PCDHGA2: variants seen among roughly 807,000 people sequenced by gnomAD.
PCDHGA2 encodes the protein protocadherin gamma subfamily A, 2, also known as protocadherin gamma-A2.
Under a neutral mutation model 59.2 loss-of-function variants are expected in PCDHGA2, and 40 were observed. The observed-to-expected ratio is 0.68, with a 90% CI of 0.52 to 0.88. The LOEUF is 0.88. Among genes scored for constraint, PCDHGA2 ranks in the 40% least tolerant of loss-of-function variants. PCDHGA2 has a pLI of 0.00. For synonymous variants in PCDHGA2, 560 were observed against 526.0 expected (o/e 1.06, Z -0.89); for missense variants, 1,226 against 1,204.0 (o/e 1.02, Z -0.27).
At chr5:141,419,667 G>T in intron 1 of PCDHGA2, 1 of 1,612,894 alleles carries the variant, frequency 6.2e-7, no homozygotes, top group South Asian at 1.1e-5. Flanking sequence ...CACAATGCCT[G>T]GCTGTCCTAC....
At chr5:141,355,857 C>T in intron 1 of PCDHGA2, 2 of 1,612,456 alleles carry the variant, frequency 1.2e-6, no homozygotes, top group Non-Finnish European at 1.7e-6. Context: ...ATGGAGGTGA[C>T]CCGGTTCGCT....
At chr5:141,369,758 C>T (rs1027847213) in intron 1 of PCDHGA2, among the ~76,000 whole-genome samples, 1 of 152,184 alleles carries the variant, frequency 6.6e-6, no homozygotes, top group African/African-American at 2.4e-5. Context: ...TAAGAATACA[C>T]GTGAAGCTGA....
At chr5:141,449,588 CAAAAAAA>C (rs768743917) in intron 1 of PCDHGA2, among the ~76,000 whole-genome samples, 5 of 57,506 alleles carry the variant, frequency 8.7e-5, no homozygotes, top group Admixed American at 3.6e-4. Flanking sequence ...GACTCTGTCT[CAAAAAAA>C]AAAAAAAAAA....
At chr5:141,422,791 G>T (rs2096673253) in intron 1 of PCDHGA2, 2 of 1,614,020 alleles carry the variant, frequency 1.2e-6, no homozygotes, top group South Asian at 1.1e-5. Context: ...ACAATCCTTC[G>T]ACTATGAGCA....
chr5:141,339,915 ATGAAATTGATAT>A lies in PCDHGA2; in HGVS notation c.949_960del (p.Ile317_Glu320del). ...CTAGATTATGAGGATGCTACATTCC[ATGAAATTGATAT>A]TGAAGCTCAGGATGGTCCGGGCCTT... On this transcript the variant is annotated inframe_deletion, in exon 1 of 4. Transcript: ENST00000394576. 1 of 1,614,176 alleles carries A rather than the reference ATGAAATTGATAT, an allele frequency of 6.2e-7. No individual in the cohort carries two copies. Among genetic ancestry groups the A allele is most frequent in the Non-Finnish European group, 8.5e-7 (1 of 1,180,016 alleles).
chr5:141,429,204 A>ACACACACG, intron 1 of PCDHGA2: 1 of 150,162 alleles, frequency 6.7e-6, no homozygotes, highest in Non-Finnish European at 1.5e-5. Context: ...ACACACACAC[A>ACACACACG]CGTGTGAAAA....
At chr5:141,351,422 T>C (rs369103466) in intron 1 of PCDHGA2, 4 of 1,611,720 alleles carry the variant, frequency 2.5e-6, no homozygotes, top group African/African-American at 1.3e-5. Context: ...AGAAGTTCCT[T>C]TCAAATTAGA....
intron 1 of PCDHGA2, chr5:141,410,140 G>C: frequency 6.2e-7 from 1 of 1,612,782 alleles, no homozygotes; most frequent in Non-Finnish European, 8.5e-7. Context: ...TGGTCGCTGT[G>C]CGTGACGGTG....
intron 1 of PCDHGA2, chr5:141,479,468 T>C (rs1473966646): frequency 1.3e-5 from 2 of 152,248 alleles, no homozygotes; most frequent in African/African-American, 4.8e-5. Context: ...TACAGTGACC[T>C]CTTGGGAGGG....
intron 1 of PCDHGA2, among the ~76,000 whole-genome samples, chr5:141,459,494 G>C (rs1454297107): frequency 2.0e-5 from 3 of 152,200 alleles, no homozygotes; most frequent in African/African-American, 7.2e-5. Context: ...CTGAATTAAA[G>C]TGATGTGAAC....
intron 1 of PCDHGA2, among the ~76,000 whole-genome samples, chr5:141,483,613 C>A (rs2099583607): frequency 6.6e-6 from 1 of 151,914 alleles, no homozygotes; most frequent in South Asian, 2.1e-4. Context: ...ACACCTCCAT[C>A]ATTCCCATGG....
intron 2 of PCDHGA2, among the ~76,000 whole-genome samples, chr5:141,496,040 AT>A (rs2099765531): frequency 1.3e-5 from 2 of 150,356 alleles, no homozygotes; most frequent in Admixed American, 6.6e-5. Flanking sequence ...TCTGTCTCTC[AT>A]TTTTTTGTGC....
At chr5:141,411,732 A>C (rs1437829295) in intron 1 of PCDHGA2, 4 of 152,694 alleles carry the variant, frequency 2.6e-5, no homozygotes, top group African/African-American at 9.7e-5. Flanking sequence ...ACATTTAAAA[A>C]TTAGCAGGGT....
chr5:141,410,849 C>CTTTTTTTTCTTTTTT (rs2095433387), intron 1 of PCDHGA2: 1 of 129,786 alleles, frequency 7.7e-6, no homozygotes, highest in African/African-American at 6.0e-5. Context: ...TTGTCTTTGT[C>CTTTTTTTTCTTTTTT]TTTTTTTTTT....
At position 141,393,580 on chromosome 5, in the gene PCDHGA2, C is replaced by A. The variant is rs756625630; in HGVS notation, c.2424+52185C>A. 5.6e-6 allele frequency: 9 copies of A among 1,613,758 alleles called. No individual in the cohort carries two copies. In the South Asian group the frequency reaches 9.9e-5, roughly 18 times the overall value. ...CGAGTGAAAGTCCTTGAGAACATGC[C>A]CCCAGGCACGCGGCTGCTTACTGTA... is the stretch of plus-strand genomic sequence containing the variant. On this transcript the variant is annotated intron_variant, in intron 1 of 3. Transcript: ENST00000394576.
chr5:141,402,422 T>C (rs1385083470), intron 1 of PCDHGA2, among the ~76,000 whole-genome samples: 2 of 151,998 alleles, frequency 1.3e-5, no homozygotes, highest in African/African-American at 2.4e-5. Context: ...CAGAAAAAAT[T>C]GAAGCATCAT....
At chr5:141,357,270 ACTCTAT>A (rs1437213863) in intron 1 of PCDHGA2, 1 of 1,610,332 alleles carries the variant, frequency 6.2e-7, no homozygotes, top group East Asian at 2.2e-5. Context: ...CGGGCCTCAC[ACTCTAT>A]CTCGTGGTGG....
rs188768340 is a variant in PCDHGA2, at chr5:141,382,953, C to G, written c.2424+41558C>G. On this transcript the variant is annotated intron_variant, in intron 1 of 3. Transcript: ENST00000394576. ...ACAGAGGATTCTTCCTGCTCTCCAT[C>G]CTCCTGGGGACCCCCTGGGAAGCCT... 1,258 of 1,601,498 alleles carry G rather than the reference C, an allele frequency of 7.9e-4. 16 individuals carry two copies. In the African/African-American group the frequency reaches 0.015, roughly 19 times the overall value.
At chr5:141,454,870 C>T (rs2098805291) in intron 1 of PCDHGA2, among the ~76,000 whole-genome samples, 1 of 131,902 alleles carries the variant, frequency 7.6e-6, no homozygotes, top group Non-Finnish European at 1.5e-5. Context: ...TGCAGTGGCA[C>T]GATCTTGGCT....
Sources: gnomAD v4.1 joint callset for allele counts (sites outside exome capture counted in the v4.1 genomes callset) on GRCh38, gnomAD v4.1.1 for gene constraint, MANE v1.5 for transcripts, NCBI Gene and HGNC (gene_info 2026-07-23, HGNC 2026-07-21) for gene names.